The following SH3GL3 variants were observed in gnomAD, a reference collection of about 807,000 sequenced individuals.
The protein encoded by SH3GL3 is SH3 domain containing GRB2 like 3, endophilin A3, also known as endophilin-A3.
SH3GL3 carries 33 observed loss-of-function variants against 47.7 expected under a neutral mutation model. The ratio of observed to expected loss-of-function variants is 0.69; its 90% CI spans 0.52 to 0.92. The LOEUF is 0.92. Ranked by LOEUF, SH3GL3 falls within the 40% of genes least tolerant of loss-of-function variation. SH3GL3 has a pLI of 0.00. For synonymous variants in SH3GL3, 155 were observed against 148.8 expected (o/e 1.04, Z -0.30); for missense variants, 363 against 417.8 (o/e 0.87, Z 1.14).
intron 8 of SH3GL3, among the ~76,000 whole-genome samples, chr15:83,603,862 C>T (rs917269417): frequency 2.0e-5 from 3 of 152,202 alleles, no homozygotes; most frequent in Non-Finnish European, 2.9e-5. Context: ...CAGCCCGGTG[C>T]GGTGGCTTAC....
At chr15:83,557,954 C>T (rs757630915) in intron 1 of SH3GL3, among the ~76,000 whole-genome samples, 21 of 152,228 alleles carry the variant, frequency 1.4e-4, no homozygotes, top group Non-Finnish European at 2.5e-4. Context: ...TCTCACACTT[C>T]GAATTTAAGT....
intron 2 of SH3GL3, among the ~76,000 whole-genome samples, chr15:83,560,802 A>G (rs1317330630): frequency 6.6e-6 from 1 of 152,218 alleles, no homozygotes; most frequent in Non-Finnish European, 1.5e-5. Flanking sequence ...GGGAAAAAAT[A>G]TTCTATAATT....
chr15:83,550,576 G>A (rs1456751878), intron 1 of SH3GL3, among the ~76,000 whole-genome samples: 3 of 152,088 alleles, frequency 2.0e-5, no homozygotes, highest in Non-Finnish European at 2.9e-5. Context: ...TTTTACTAGA[G>A]ATGGGGTTTC....
At chr15:83,575,277 T>C (rs2151777791) in intron 5 of SH3GL3, among the ~76,000 whole-genome samples, 1 of 152,306 alleles carries the variant, frequency 6.6e-6, no homozygotes, top group Non-Finnish European at 1.5e-5. Flanking sequence ...TGGAGGAAGG[T>C]CATATGAAAA....
chr15:83,587,524 G>GAA (rs1567015700), intron 7 of SH3GL3, among the ~76,000 whole-genome samples: 8 of 57,870 alleles, frequency 1.4e-4, no homozygotes, highest in African/African-American at 4.9e-4. Flanking sequence ...GTAAATATCT[G>GAA]TAAAAAAAAA....
intron 4 of SH3GL3, among the ~76,000 whole-genome samples, chr15:83,569,149 G>T (rs1440972610): frequency 6.6e-6 from 1 of 152,022 alleles, no homozygotes; most frequent in African/African-American, 2.4e-5. Context: ...CGCCTGCCTC[G>T]GCCTCCCAAA....
At chr15:83,631,156 G>A in the SH3GL3 span, among the ~76,000 whole-genome samples, 1 of 152,196 alleles carries the variant, frequency 6.6e-6, no homozygotes, top group Non-Finnish European at 1.5e-5. Flanking sequence ...TTGATTCCAT[G>A]TCTCACATCC....
At chr15:83,558,433 C>T (rs1374830033) in intron 1 of SH3GL3, among the ~76,000 whole-genome samples, 1 of 151,970 alleles carries the variant, frequency 6.6e-6, no homozygotes, top group East Asian at 1.9e-4. Flanking sequence ...AGCACATTGG[C>T]CATACACAAA....
At position 83,581,622 on chromosome 15, in the gene SH3GL3, G is replaced by C. The variant is rs72760379; in HGVS notation, c.624+4881G>C. ...TTCCTTGCAGTGTCTAGGTACCCTG[G>C]TTATTAGGGCCAAGTGGGTGCCACT... On this transcript the variant is annotated intron_variant, in intron 6 of 8. Coordinates refer to ENST00000427482, the MANE Select transcript of SH3GL3 (RefSeq NM_003027.5). 7.1e-3 allele frequency among the ~76,000 whole-genome samples: 1,074 copies of C among 152,302 alleles called. 5 individuals carry two copies. Among genetic ancestry groups the C allele is most frequent in the Non-Finnish European group, 0.012 (802 of 68,032 alleles).
chr15:83,623,976 G>A, the SH3GL3 span, among the ~76,000 whole-genome samples: 2 of 152,024 alleles, frequency 1.3e-5, no homozygotes, highest in African/African-American at 4.8e-5. Context: ...TAGTGGAGAC[G>A]GGGTTTCACC....
intron 1 of SH3GL3, among the ~76,000 whole-genome samples, chr15:83,476,975 G>C (rs891798819): frequency 6.6e-6 from 1 of 152,122 alleles, no homozygotes; most frequent in African/African-American, 2.4e-5. Flanking sequence ...TTTTCATCCT[G>C]GTGACCTGGG....
rs75100108 is a variant in SH3GL3 at position 83,559,404 on chromosome 15, G to T, written c.114+83G>T. ...TATACTGCTATTGTAAAGGATATTCGAGTGGAAATCTAGGATGTTTAAATA... is the reference window on the plus strand; with the variant it reads ...TATACTGCTATTGTAAAGGATATTCTAGTGGAAATCTAGGATGTTTAAATA... On this transcript the variant is annotated intron_variant, in intron 2 of 8. Transcript: ENST00000427482. 6,953 of 812,026 alleles carry T rather than the reference G, an allele frequency of 8.6e-3. 342 individuals carry two copies. In the African/African-American group the frequency reaches 0.1, roughly 12 times the overall value. 50.3% of individuals were successfully genotyped at this position (812,026 alleles called of 1,614,324 possible).
At chr15:83,473,796 C>T (rs1339810458) in intron 1 of SH3GL3, among the ~76,000 whole-genome samples, 1 of 151,458 alleles carries the variant, frequency 6.6e-6, no homozygotes, top group Admixed American at 6.6e-5. Context: ...ATCTGCCCGC[C>T]TGGGCCTCCC....
Position 83,618,169 on chromosome 15 carries a change from G to C in SH3GL3, c.926G>C (p.Gly309Ala). Residue 309 changes from glycine (G) to alanine (A), a missense_variant, in exon 9 of 9, where the codon GGG becomes GCG. By Grantham distance (60) the Gly-to-Ala change is moderately conservative. Transcript: ENST00000427482. The stretch of plus-strand genomic sequence containing the variant: ...CAAGGAGAATTAGGATTTAAAGAAG[G>C]GGACATCATTACATTAACCAATCAA... ...ENQGELGFKE[G>A]DIITLTNQID... 6.2e-7 allele frequency: 1 copy of C among 1,610,950 alleles called. No homozygotes were observed. Among genetic ancestry groups the C allele is most frequent in the South Asian group, 1.1e-5 (1 of 91,026 alleles).
At chr15:83,492,805 C>T (rs1468624425) in intron 1 of SH3GL3, among the ~76,000 whole-genome samples, 1 of 152,180 alleles carries the variant, frequency 6.6e-6, no homozygotes, top group Non-Finnish European at 1.5e-5. Flanking sequence ...TTCATTTGCC[C>T]CCAGCAGTAA....
At chr15:83,534,157 G>A (rs2043804358) in intron 1 of SH3GL3, among the ~76,000 whole-genome samples, 1 of 152,102 alleles carries the variant, frequency 6.6e-6, no homozygotes, top group Non-Finnish European at 1.5e-5. Flanking sequence ...AGAGAGTTTG[G>A]CCTCTATTTT....
At chr15:83,571,932 A>C (rs912443395) in intron 4 of SH3GL3, among the ~76,000 whole-genome samples, 8 of 152,168 alleles carry the variant, frequency 5.3e-5, no homozygotes, top group African/African-American at 1.9e-4. Flanking sequence ...GTAATCCAGG[A>C]AAAACTACCT....
At chr15:83,470,482 C>G (rs1031653384) in intron 1 of SH3GL3, among the ~76,000 whole-genome samples, 1 of 152,188 alleles carries the variant, frequency 6.6e-6, no homozygotes, top group Non-Finnish European at 1.5e-5. Flanking sequence ...CCACCTTGGC[C>G]TCTCAAAGTG....
At chr15:83,520,247 C>T (rs1596166501) in intron 1 of SH3GL3, among the ~76,000 whole-genome samples, 1 of 152,160 alleles carries the variant, frequency 6.6e-6, no homozygotes, top group African/African-American at 2.4e-5. Context: ...GGACAGTAAA[C>T]AAGTCTGTCA....
Sources: gnomAD v4.1 joint callset for allele counts (sites outside exome capture counted in the v4.1 genomes callset) on GRCh38, gnomAD v4.1.1 for gene constraint, MANE v1.5 for transcripts, NCBI Gene and HGNC (gene_info 2026-07-23, HGNC 2026-07-21) for gene names.